Variants in RC3H2 observed in about 807,000 individuals in gnomAD.
RC3H2 encodes the protein roquin-2.
A neutral mutation model predicts 133.3 loss-of-function variants in RC3H2; 31 were observed. That is an observed-to-expected ratio of 0.23 (90% confidence interval 0.17 to 0.31). The LOEUF (loss-of-function observed/expected upper bound fraction) is 0.31, where lower values mean the gene tolerates loss of function less well. RC3H2 is among the 10% of genes least tolerant of loss of function. RC3H2 has a pLI of 1.00. For missense variants in RC3H2, 1,175 were observed against 1,437.2 expected, an observed-to-expected ratio of 0.82 and a Z score of 2.95; for synonymous variants, 517 against 502.2, an observed-to-expected ratio of 1.03 and a Z score of -0.40.
intron 9 of RC3H2, among the ~76,000 whole-genome samples, chr9:122,872,104 T>C (rs1462479548): frequency 1.3e-5 from 2 of 152,198 alleles, no homozygotes; most frequent in Non-Finnish European, 2.9e-5. Flanking sequence ...TGCATTAATA[T>C]AGAATAAGCT....
intron 13 of RC3H2, 93 bp from the exon 14 acceptor site, chr9:122,855,971 G>A (rs1830231802): frequency 2.1e-6 from 2 of 949,122 alleles, no homozygotes; most frequent in Admixed American, 3.0e-5. Flanking sequence ...GAATTCAGAG[G>A]ACTTCATAGC....
chr9:122,871,826 C>T (rs1359112561), intron 9 of RC3H2, among the ~76,000 whole-genome samples: 1 of 152,140 alleles, frequency 6.6e-6, no homozygotes, highest in Non-Finnish European at 1.5e-5. Context: ...TCTTGCATCT[C>T]TCTATCTTTA....
chr9:122,876,927 T>C (rs1324207258), intron 9 of RC3H2, among the ~76,000 whole-genome samples: 1 of 152,228 alleles, frequency 6.6e-6, no homozygotes, highest in African/African-American at 2.4e-5. Context: ...CTGCTAGGTT[T>C]AACTGAATCT....
intron 14 of RC3H2, 151 bp from the exon 15 acceptor site, chr9:122,855,548 A>C: frequency 1.1e-6 from 1 of 931,134 alleles, no homozygotes; most frequent in Non-Finnish European, 1.6e-6. Context: ...CCAGTAAACC[A>C]CCAATGTTCA....
chr9:122,880,492 CAT>C (rs1491499539), intron 6 of RC3H2, 100 bp downstream of exon 6: 4 of 914,216 alleles, frequency 4.4e-6, no homozygotes, highest in East Asian at 5.1e-5. Flanking sequence ...CATTTAAAAA[CAT>C]AGGAATCTCC....
chr9:122,865,623 C>T lies in RC3H2; in HGVS notation c.1360G>A (p.Val454Ile). 6.2e-7 allele frequency: 1 copy of T among 1,613,444 alleles called. No individual in the cohort carries two copies. Among genetic ancestry groups the T allele is most frequent in the Non-Finnish European group, 8.5e-7 (1 of 1,179,934 alleles). The change falls in exon 10 of 21, where the codon GTA becomes ATA. Residue 454 changes from valine to isoleucine, a missense_variant. Val to Ile is a conservative substitution (Grantham distance 29). This residue lies in a region of RC3H2 where 490 missense variants were observed against 492.8 expected (regional missense o/e 0.99). Transcript: ENST00000357244. ...TTATTTAGAAGAGGAAACGTTCTTA[C>T]AGTGGCATTGATCTTTTTGTTCCTT... is the stretch of plus-strand genomic sequence containing the variant. ...RLRNKKINAT[V>I]RTFPLLNKVG...
intron 9 of RC3H2, chr9:122,874,914 T>C (rs553405693): frequency 4.5e-5 from 17 of 376,078 alleles, no homozygotes; most frequent in African/African-American, 1.0e-4. Context: ...TGAAGTCTGT[T>C]TGAAGGTATG....
intron 10 of RC3H2, among the ~76,000 whole-genome samples, chr9:122,862,752 G>A (rs906754139): frequency 3.9e-5 from 6 of 151,940 alleles, no homozygotes; most frequent in South Asian, 2.1e-4. Context: ...AAAATTAGCC[G>A]GGCATGGTGG....
intron 20 of RC3H2, 47 bp downstream of exon 20, chr9:122,851,034 A>T (rs771646614): frequency 1.3e-6 from 2 of 1,598,702 alleles, no homozygotes; most frequent in Non-Finnish European, 1.7e-6. Context: ...TTTTCTCTTT[A>T]TTATGTCCTA....
At chr9:122,864,611 C>T (rs1170925436) in intron 10 of RC3H2, among the ~76,000 whole-genome samples, 4 of 151,398 alleles carry the variant, frequency 2.6e-5, no homozygotes, top group Non-Finnish European at 4.4e-5. Context: ...AGTGTGGCTC[C>T]AAAGAGTCCC....
chr9:122,876,597 C>T (rs906213024), intron 9 of RC3H2, among the ~76,000 whole-genome samples: 1 of 150,574 alleles, frequency 6.6e-6, no homozygotes, highest in African/African-American at 2.4e-5. Context: ...CACTGCACTC[C>T]ACCCTGGGCG....
intron 1 of RC3H2, among the ~76,000 whole-genome samples, chr9:122,901,586 CTTT>C (rs11309716): frequency 4.2e-5 from 5 of 120,002 alleles, no homozygotes; most frequent in Admixed American, 8.8e-5. Context: ...CCAATGCATT[CTTT>C]TTTTTTTTTT....
intron 1 of RC3H2, among the ~76,000 whole-genome samples, chr9:122,898,626 G>C (rs1832521931): frequency 6.6e-6 from 1 of 151,860 alleles, no homozygotes; most frequent in African/African-American, 2.4e-5. Flanking sequence ...GCACATGCCT[G>C]TAATTCCAGC....
chr9:122,904,733 T>C (rs989599226), intron 1 of RC3H2, among the ~76,000 whole-genome samples: 2 of 152,120 alleles, frequency 1.3e-5, no homozygotes, highest in African/African-American at 4.8e-5. Context: ...GGCAGAAAGC[T>C]GAAAAGCTAG....
At chr9:122,869,243 C>T (rs1483601660) in intron 9 of RC3H2, among the ~76,000 whole-genome samples, 1 of 151,798 alleles carries the variant, frequency 6.6e-6, no homozygotes, top group Non-Finnish European at 1.5e-5. Context: ...ATTAAGTTCA[C>T]GAACAGAAAG....
At chr9:122,904,554 C>G (rs1337487341) in intron 1 of RC3H2, among the ~76,000 whole-genome samples, 1 of 152,216 alleles carries the variant, frequency 6.6e-6, no homozygotes, top group Non-Finnish European at 1.5e-5. Context: ...AATTTCCTGG[C>G]TGTGTTTCAT....
At chr9:122,880,854 C>T (rs1029411547) in intron 5 of RC3H2, 60 bp from the exon 6 acceptor site, 85 of 1,237,628 alleles carry the variant, frequency 6.9e-5, no homozygotes, top group Non-Finnish European at 9.0e-5. Flanking sequence ...TCAACTGATT[C>T]GTTTATTCCT....
intron 16 of RC3H2, 85 bp from the exon 17 acceptor site, chr9:122,854,351 G>T: frequency 7.7e-7 from 1 of 1,295,936 alleles, no homozygotes; most frequent in Non-Finnish European, 1.1e-6. Context: ...TTATGTGACA[G>T]ATCAACCCTG....
chr9:122,888,325 C>T (rs963968946), intron 4 of RC3H2, among the ~76,000 whole-genome samples: 2 of 152,062 alleles, frequency 1.3e-5, no homozygotes, highest in Admixed American at 6.5e-5. Context: ...TTATTTTGAT[C>T]ATTTTTAATT....
Sources: allele counts gnomAD v4.1 joint callset (sites outside exome capture counted in the v4.1 genomes callset), GRCh38; gene constraint gnomAD v4.1.1; regional missense constraint gnomAD v4.1.1; transcripts MANE v1.5; gene names NCBI Gene and HGNC (gene_info 2026-07-23, HGNC 2026-07-21).